Variants in NIBAN1 observed in about 807,000 individuals in gnomAD.
NIBAN1 encodes protein Niban 1.
A neutral mutation model predicts 75.1 loss-of-function variants in NIBAN1; 81 were observed. The observed-to-expected ratio is 1.08, with a 90% CI of 0.90 to 1.30. The LOEUF (loss-of-function observed/expected upper bound fraction) is 1.30. Among genes scored for constraint, NIBAN1 ranks in the 50% most tolerant of loss-of-function variants. The pLI, the probability that NIBAN1 is intolerant of heterozygous loss-of-function variation, is 0.00. For synonymous variants in NIBAN1, 436 were observed against 424.8 expected (o/e 1.03, Z -0.32); for missense variants, 1,133 against 1,128.1 (o/e 1.00, Z -0.06).
chr1:184,800,959 G>C (rs1446520933), intron 12 of NIBAN1, among the ~76,000 whole-genome samples: 1 of 152,124 alleles, frequency 6.6e-6, no homozygotes, highest in Non-Finnish European at 1.5e-5. Flanking sequence ...CTCAGGCATG[G>C]TGCATCCCTT....
In NIBAN1 at chr1:184,884,664, G is replaced by C; in HGVS notation, c.570C>G (p.Leu190=). 1 of 1,614,168 alleles carries C rather than the reference G, an allele frequency of 6.2e-7. No homozygotes were observed. The highest frequency in any genetic ancestry group is 8.5e-7 in the Non-Finnish European group (1 of 1,180,002). The change falls in exon 5 of 14, where the codon CTC becomes CTG. Residue 190 remains leucine (L), a synonymous_variant. Coordinates refer to ENST00000367511, the MANE Select transcript of NIBAN1 (RefSeq NM_052966.4). ...EAADQKRFSA[L]LSDCVRHLNH... The stretch of plus-strand genomic sequence containing the variant: ...TGAGATGCCTGACGCAGTCACTCAG[G>C]AGGGCACTAAACCTCTTCTGGTCAG...
At chr1:184,796,914 A>G (rs1347586119) in intron 13 of NIBAN1, among the ~76,000 whole-genome samples, 2 of 152,228 alleles carry the variant, frequency 1.3e-5, no homozygotes. Context: ...AAAAGTGCCC[A>G]TGGTGGGCTG....
intron 5 of NIBAN1, among the ~76,000 whole-genome samples, chr1:184,832,932 G>A (rs1655037556): frequency 6.6e-6 from 1 of 152,002 alleles, no homozygotes; most frequent in Non-Finnish European, 1.5e-5. Flanking sequence ...ATCTTCATGA[G>A]GAAATGAACT....
At chr1:184,879,509 T>C (rs530820500) in intron 5 of NIBAN1, among the ~76,000 whole-genome samples, 1 of 152,238 alleles carries the variant, frequency 6.6e-6, no homozygotes, top group East Asian at 1.9e-4. Flanking sequence ...AGTAATGAAC[T>C]TGCTTCGTAG....
chr1:184,966,612 C>G (rs936896021), intron 1 of NIBAN1, among the ~76,000 whole-genome samples: 1 of 152,142 alleles, frequency 6.6e-6, no homozygotes. Flanking sequence ...AGAACTGGGA[C>G]GGGGCACACA....
At chr1:184,803,317 A>C (rs1231838659) in intron 12 of NIBAN1, among the ~76,000 whole-genome samples, 1 of 152,234 alleles carries the variant, frequency 6.6e-6, no homozygotes, top group Non-Finnish European at 1.5e-5. Flanking sequence ...AGGGGTCAGC[A>C]TATCTGGCTA....
chr1:184,861,879 GAAGTGGAATTAGTGTGCTCCAGA>G (rs1012194113), intron 5 of NIBAN1, among the ~76,000 whole-genome samples: 3 of 152,138 alleles, frequency 2.0e-5, no homozygotes, highest in Admixed American at 1.3e-4. Flanking sequence ...TCTGTGTTCT[GAAGTGGAATTAGTGTGCTCCAGA>G]AAGCCATCTT....
In NIBAN1 at chr1:184,795,517, T is replaced by C. The variant is rs766847624; in HGVS notation, c.2247A>G (p.Glu749=). 1.9e-6 allele frequency: 3 copies of C among 1,613,734 alleles called. No individual in the cohort carries two copies. Among genetic ancestry groups the C allele is most frequent in the Admixed American group, 1.7e-5 (1 of 59,930 alleles). Reference sequence around the variant, plus strand: ...TGGCAGCTGCCTGACTGGGCTCTTTTTCCTCTTCTTCTTCATTTTCTTGGG... The same window carrying C: ...TGGCAGCTGCCTGACTGGGCTCTTTCTCCTCTTCTTCTTCATTTTCTTGGG... ...HVPQENEEEE[E]KEPSQAAAIH... The change falls in exon 14 of 14, where the codon GAA becomes GAG. Residue 749 remains glutamate, a synonymous_variant. Transcript: ENST00000367511.
chr1:184,833,546 A>G (rs1655053618), intron 5 of NIBAN1, among the ~76,000 whole-genome samples: 4 of 151,932 alleles, frequency 2.6e-5, no homozygotes, highest in South Asian at 2.1e-4. Flanking sequence ...CATGTCTACA[A>G]AAAAAATTAG....
intron 1 of NIBAN1, among the ~76,000 whole-genome samples, chr1:184,924,991 T>C (rs2102023580): frequency 6.6e-6 from 1 of 152,262 alleles, no homozygotes; most frequent in South Asian, 2.1e-4. Flanking sequence ...CATTGATCTT[T>C]TGTATTGTTT....
intron 3 of NIBAN1, among the ~76,000 whole-genome samples, chr1:184,892,811 A>T (rs1557903039): frequency 1.3e-5 from 2 of 152,024 alleles, no homozygotes; most frequent in African/African-American, 4.8e-5. Context: ...TCACTCTGTC[A>T]CCCAGGCTGG....
At position 184,974,403 on chromosome 1, in the gene NIBAN1, C is replaced by G. The variant is rs556508119; in HGVS notation, c.-47G>C. 89 of 1,532,044 alleles carry G rather than the reference C, an allele frequency of 5.8e-5. 2 individuals are homozygous for G. The highest frequency in any genetic ancestry group is 3.7e-4 in the South Asian group (31 of 83,484). 94.9% of individuals were successfully genotyped at this position (1,532,044 alleles called of 1,614,324 possible). ...AGCGCGGAAACTGCCCGGTCCGCGC[C>G]CGCTGCTAGCTCCTGGAGGTTGATC... On this transcript the variant is annotated 5_prime_UTR_variant, in exon 1 of 14. Transcript: ENST00000367511.
intron 5 of NIBAN1, 67 bp from the exon 6 acceptor site, chr1:184,832,029 T>C: frequency 2.6e-6 from 3 of 1,138,318 alleles, no homozygotes; most frequent in Non-Finnish European, 4.0e-6. Flanking sequence ...GCTCTTCAAG[T>C]GTAATGGCTC....
In NIBAN1 at chr1:184,795,348, C is replaced by A. The variant is rs1211763358; in HGVS notation, c.2416G>T (p.Glu806Ter). ...TCCCCCTCCATGGGCCCCAGGGGCTCCTCGGTGAGCCCTCCACTGGCTGGC... is the reference window on the plus strand; with the variant it reads ...TCCCCCTCCATGGGCCCCAGGGGCTACTCGGTGAGCCCTCCACTGGCTGGC... ...SPPASGGLTE[E>*]PLGPMEGELP... Residue 806 changes from glutamate to a stop codon, truncating the protein, a stop_gained, in exon 14 of 14, where the codon GAG (glutamate) becomes TAG (stop). Transcript: ENST00000367511. LOFTEE classifies it low-confidence loss of function (END_TRUNC). 4 of 1,609,354 alleles carry A rather than the reference C, an allele frequency of 2.5e-6. No homozygotes were observed. Among genetic ancestry groups the A allele is most frequent in the Non-Finnish European group, 3.4e-6 (4 of 1,177,878 alleles).
chr1:184,792,314 T>G lies in NIBAN1; in HGVS notation c.*2663A>C, dbSNP rs1278952370. The G allele has an allele frequency of 2.6e-5, 4 of 152,316 alleles. No homozygotes were observed. The highest frequency in any genetic ancestry group is 9.6e-5 in the African/African-American group (4 of 41,472). The allele number at this position is 152,316 out of a possible 1,614,324, so 9.4% of individuals were successfully genotyped here. ...TTCTGGAGTACATCCTGCCAAATAGTGCCCAGTCCTCCCTGACCTACATGA... is the reference window on the plus strand; with the variant it reads ...TTCTGGAGTACATCCTGCCAAATAGGGCCCAGTCCTCCCTGACCTACATGA... On this transcript the variant is annotated 3_prime_UTR_variant, in exon 14 of 14. Transcript: ENST00000367511.
In NIBAN1 at chr1:184,808,364, T is replaced by C. The variant is rs1028098125; in HGVS notation, c.1174-129A>G. On this transcript the variant is annotated intron_variant, in intron 9 of 13. Transcript: ENST00000367511. ...TAAAGTGAATCACTACTTGGATCCCTACATCTGTGACACCTTCAACTGTCT... is the reference window on the plus strand; with the variant it reads ...TAAAGTGAATCACTACTTGGATCCCCACATCTGTGACACCTTCAACTGTCT... The C allele has an allele frequency of 7.7e-6, 7 of 906,234 alleles. No homozygotes were observed. In the African/African-American group the frequency reaches 1.0e-4, roughly 13 times the overall value. 56.1% of individuals were successfully genotyped at this position (906,234 alleles called of 1,614,324 possible).
intron 5 of NIBAN1, among the ~76,000 whole-genome samples, chr1:184,880,509 G>A (rs1403464467): frequency 6.6e-6 from 1 of 152,094 alleles, no homozygotes; most frequent in African/African-American, 2.4e-5. Context: ...TCCTCTCTAA[G>A]CACCAGTCAC....
intron 4 of NIBAN1, among the ~76,000 whole-genome samples, chr1:184,885,943 C>T (rs1024150993): frequency 9.9e-5 from 15 of 152,116 alleles, no homozygotes; most frequent in African/African-American, 3.6e-4. Flanking sequence ...CCTCTGCTGA[C>T]TCTCTCCATC....
chr1:184,867,172 A>T (rs111381632), intron 5 of NIBAN1, among the ~76,000 whole-genome samples: 1,796 of 146,882 alleles, frequency 0.012, 24 homozygotes, highest in African/African-American at 0.044. Flanking sequence ...TCTCTCTCTC[A>T]CACACACACA....
Sources: allele counts gnomAD v4.1 joint callset (sites outside exome capture counted in the v4.1 genomes callset), GRCh38; gene constraint gnomAD v4.1.1; transcripts MANE v1.5; gene names NCBI Gene and HGNC (gene_info 2026-07-23, HGNC 2026-07-21).